The following TRAF3 variants were observed in gnomAD, a reference collection of about 807,000 sequenced individuals.
TRAF3 encodes the protein TNF receptor associated factor 3.
A neutral mutation model predicts 62.3 loss-of-function variants in TRAF3; 13 were observed. That is an observed-to-expected ratio of 0.21 (90% confidence interval 0.14 to 0.33). The LOEUF (loss-of-function observed/expected upper bound fraction) is 0.33. Among genes scored for constraint, TRAF3 ranks in the 10% least tolerant of loss-of-function variants. The pLI, the probability that TRAF3 is intolerant of heterozygous loss-of-function variation, is 1.00. For synonymous variants in TRAF3, 269 were observed against 283.4 expected, an observed-to-expected ratio of 0.95 and a Z score of 0.51; for missense variants, 440 against 741.8, an observed-to-expected ratio of 0.59 and a Z score of 4.73.
At chr14:102,845,718 G>A (rs1392172422) in intron 2 of TRAF3, among the ~76,000 whole-genome samples, 8 of 151,482 alleles carry the variant, frequency 5.3e-5, no homozygotes, top group Non-Finnish European at 1.2e-4. Context: ...GGGTTTCACC[G>A]TGTTAGCCAG....
intron 1 of TRAF3, among the ~76,000 whole-genome samples, chr14:102,796,537 G>C (rs943856468): frequency 6.6e-6 from 1 of 152,192 alleles, no homozygotes; most frequent in East Asian, 1.9e-4. Flanking sequence ...AAGTGGGGAT[G>C]GGGGGTGGAC....
chr14:102,833,453 T>G (rs1278350939), intron 2 of TRAF3, among the ~76,000 whole-genome samples: 1 of 152,204 alleles, frequency 6.6e-6, no homozygotes, highest in Admixed American at 6.5e-5. Context: ...GAATGGATCC[T>G]TCCTTCCTTT....
At chr14:102,822,869 G>A (rs1900065815) in intron 1 of TRAF3, among the ~76,000 whole-genome samples, 1 of 152,154 alleles carries the variant, frequency 6.6e-6, no homozygotes, top group Non-Finnish European at 1.5e-5. Flanking sequence ...AGCCGGGCAT[G>A]GTGGCACATG....
At chr14:102,824,063 A>C (rs150128139) in intron 1 of TRAF3, among the ~76,000 whole-genome samples, 18 of 152,358 alleles carry the variant, frequency 1.2e-4, no homozygotes, top group Non-Finnish European at 2.2e-4. Context: ...CGCTGCTGTG[A>C]ACATTCATGT....
At chr14:102,878,441 T>G (rs1888847534) in intron 6 of TRAF3, among the ~76,000 whole-genome samples, 1 of 147,228 alleles carries the variant, frequency 6.8e-6, no homozygotes. Context: ...TATGGGTGAG[T>G]GGGTGAATTA....
At chr14:102,898,307 A>G (rs2139978605) in intron 10 of TRAF3, among the ~76,000 whole-genome samples, 1 of 152,382 alleles carries the variant, frequency 6.6e-6, no homozygotes, top group Non-Finnish European at 1.5e-5. Context: ...AGAAAACACA[A>G]TGAAACATTA....
At position 102,891,309 on chromosome 14, in the gene TRAF3, A is replaced by G. The variant is rs560306318; in HGVS notation, c.727-16A>G. 4.5e-5 allele frequency: 72 copies of G among 1,611,238 alleles called. No homozygotes were observed. Among genetic ancestry groups the G allele is most frequent in the South Asian group, 1.1e-4 (10 of 90,740 alleles). Reference sequence around the variant, plus strand: ...CAGCGAGGTTCGCTGAATGCCTCACATGTTTGCTCTCGCAGGGGACAAACC... The same window carrying G: ...CAGCGAGGTTCGCTGAATGCCTCACGTGTTTGCTCTCGCAGGGGACAAACC... On this transcript the variant is annotated splice_polypyrimidine_tract_variant and intron_variant, in intron 8 of 11. Coordinates refer to ENST00000392745, the MANE Select transcript of TRAF3 (RefSeq NM_145725.3).
At chr14:102,799,939 G>A (rs1401805519) in intron 1 of TRAF3, among the ~76,000 whole-genome samples, 1 of 152,166 alleles carries the variant, frequency 6.6e-6, no homozygotes, top group Non-Finnish European at 1.5e-5. Flanking sequence ...GCTGGGGTAT[G>A]TTGTCTCTGA....
chr14:102,796,325 C>T (rs547893333), intron 1 of TRAF3, among the ~76,000 whole-genome samples: 1 of 152,390 alleles, frequency 6.6e-6, no homozygotes, highest in South Asian at 2.1e-4. Flanking sequence ...CCCGCCTGGC[C>T]TCATACCTCG....
At chr14:102,795,187 A>G (rs1307706280) in intron 1 of TRAF3, among the ~76,000 whole-genome samples, 3 of 152,192 alleles carry the variant, frequency 2.0e-5, no homozygotes, top group Non-Finnish European at 4.4e-5. Flanking sequence ...GCTCTCACAT[A>G]GAAACCCTGC....
intron 2 of TRAF3, among the ~76,000 whole-genome samples, chr14:102,838,720 T>C (rs573818243): frequency 6.6e-6 from 1 of 152,230 alleles, no homozygotes; most frequent in South Asian, 2.1e-4. Context: ...AGGGAGGGGA[T>C]GCTGAGCCAG....
chr14:102,817,238 A>G (rs908167066), intron 1 of TRAF3, among the ~76,000 whole-genome samples: 1 of 152,142 alleles, frequency 6.6e-6, no homozygotes, highest in Non-Finnish European at 1.5e-5. Flanking sequence ...TTTGAGCATC[A>G]AGCAGGATGG....
At position 102,908,161 on chromosome 14, in the gene TRAF3, G is replaced by T. The variant is rs1380933460; in HGVS notation, c.*2377G>T. The T allele has an allele frequency of 6.6e-6, 1 of 152,308 alleles. No individual in the cohort carries two copies. The highest frequency in any genetic ancestry group is 1.5e-5 in the Non-Finnish European group (1 of 68,100). 9.4% of individuals were successfully genotyped at this position (152,308 alleles called of 1,614,324 possible). A position where few individuals can be genotyped will look rare whatever the true frequency, so the allele number is the denominator to read the frequency against. ...GTGGCCCCCAGAAGCAGCAGTGCGTGTCACTGGGACGTCTCCAGTAGCCCT... is the reference window on the plus strand; with the variant it reads ...GTGGCCCCCAGAAGCAGCAGTGCGTTTCACTGGGACGTCTCCAGTAGCCCT... On this transcript the variant is annotated 3_prime_UTR_variant, in exon 12 of 12. Coordinates refer to ENST00000392745, the MANE Select transcript of TRAF3 (RefSeq NM_145725.3).
At chr14:102,845,258 A>C (rs564833470) in intron 2 of TRAF3, among the ~76,000 whole-genome samples, 1 of 151,080 alleles carries the variant, frequency 6.6e-6, no homozygotes, top group Non-Finnish European at 1.5e-5. Flanking sequence ...GCTGGAGTAC[A>C]GTGGTGCAAT....
At chr14:102,888,688 A>T (rs1384578749) in intron 7 of TRAF3, among the ~76,000 whole-genome samples, 1 of 152,164 alleles carries the variant, frequency 6.6e-6, no homozygotes, top group Non-Finnish European at 1.5e-5. Flanking sequence ...GAGTTTCCTG[A>T]TGGGAATTTC....
At chr14:102,808,828 T>G (rs1898932974) in intron 1 of TRAF3, among the ~76,000 whole-genome samples, 1 of 152,136 alleles carries the variant, frequency 6.6e-6, no homozygotes, top group Admixed American at 6.6e-5. Flanking sequence ...TTGACTTTTT[T>G]TTTTTTTAAG....
intron 6 of TRAF3, among the ~76,000 whole-genome samples, chr14:102,885,367 A>G (rs1331533094): frequency 6.6e-6 from 1 of 152,274 alleles, no homozygotes; most frequent in East Asian, 1.9e-4. Context: ...TCCTGTGGCC[A>G]CTGGGAAACC....
chr14:102,825,284 A>G (rs1329909098), intron 1 of TRAF3, among the ~76,000 whole-genome samples: 2 of 152,188 alleles, frequency 1.3e-5, no homozygotes, highest in East Asian at 3.9e-4. Flanking sequence ...CCTCAACTGT[A>G]AACTGGAGAC....
chr14:102,854,932 C>T (rs532599249), intron 2 of TRAF3, among the ~76,000 whole-genome samples: 1 of 151,802 alleles, frequency 6.6e-6, no homozygotes, highest in South Asian at 2.1e-4. Flanking sequence ...TGATCTCTAT[C>T]TGGTTCCAAC....
Sources: allele counts gnomAD v4.1 joint callset (sites outside exome capture counted in the v4.1 genomes callset), GRCh38; gene constraint gnomAD v4.1.1; transcripts MANE v1.5; gene names NCBI Gene and HGNC (gene_info 2026-07-23, HGNC 2026-07-21).